ADCY8: variants seen among roughly 807,000 people sequenced by gnomAD.
ADCY8 encodes the protein adenylate cyclase type 8.
Under a neutral mutation model 119.7 loss-of-function variants are expected in ADCY8, and 51 were observed. That is an observed-to-expected ratio of 0.43 (90% CI 0.34 to 0.54). ADCY8 has a LOEUF of 0.54. Ranked by LOEUF, ADCY8 falls within the 20% of genes least tolerant of loss-of-function variation. ADCY8 has a pLI of 0.03. For missense variants in ADCY8, 1,383 were observed against 1,598.8 expected (o/e 0.87, Z 2.30); for synonymous variants, 665 against 651.0 (o/e 1.02, Z -0.33).
intron 2 of ADCY8, among the ~76,000 whole-genome samples, chr8:130,985,104 C>A (rs1395249679): frequency 9.2e-5 from 14 of 151,990 alleles, no homozygotes. Flanking sequence ...ATCAAGTTCC[C>A]CCTAGTAAAA....
intron 5 of ADCY8, among the ~76,000 whole-genome samples, chr8:130,933,487 A>G (rs1820695406): frequency 6.6e-6 from 1 of 152,208 alleles, no homozygotes; most frequent in Non-Finnish European, 1.5e-5. Context: ...GTCTGAGCCA[A>G]TTGCAACCAA....
chr8:130,894,724 G>A (rs1455323750), intron 7 of ADCY8, among the ~76,000 whole-genome samples: 1 of 152,106 alleles, frequency 6.6e-6, no homozygotes, highest in Non-Finnish European at 1.5e-5. Context: ...TAAGTACCGT[G>A]GCTGTTCAGG....
intron 9 of ADCY8, among the ~76,000 whole-genome samples, chr8:130,866,340 C>G (rs930440632): frequency 2.0e-5 from 3 of 152,050 alleles, no homozygotes; most frequent in African/African-American, 7.2e-5. Flanking sequence ...GAACATCTTT[C>G]TTCCACAGCA....
At chr8:131,002,372 G>C (rs759218929) in intron 1 of ADCY8, among the ~76,000 whole-genome samples, 10 of 152,206 alleles carry the variant, frequency 6.6e-5, no homozygotes, top group Non-Finnish European at 1.2e-4. Context: ...TTGAGGAACA[G>C]TTATCGCGAA....
At chr8:130,886,075 A>C (rs924110634) in intron 7 of ADCY8, among the ~76,000 whole-genome samples, 2 of 152,030 alleles carry the variant, frequency 1.3e-5, no homozygotes, top group African/African-American at 4.8e-5. Flanking sequence ...AGCCCACCCC[A>C]TAAGGATTCT....
chr8:130,912,939 A>T (rs1180358026), intron 5 of ADCY8, among the ~76,000 whole-genome samples: 2 of 152,192 alleles, frequency 1.3e-5, no homozygotes, highest in African/African-American at 4.8e-5. Flanking sequence ...GCACTTTTCC[A>T]GTGAGCTTCT....
intron 8 of ADCY8, 23 bp downstream of exon 8, chr8:130,884,541 C>A: frequency 1.2e-6 from 2 of 1,612,062 alleles, no homozygotes; most frequent in Non-Finnish European, 1.7e-6. Context: ...AGAAAAAGAG[C>A]CGCTGTGGAG....
At chr8:130,863,296 T>C (rs932439599) in intron 9 of ADCY8, among the ~76,000 whole-genome samples, 6 of 152,192 alleles carry the variant, frequency 3.9e-5, no homozygotes, top group African/African-American at 1.4e-4. Context: ...CTTAAGTTTT[T>C]TTTTCATTAA....
chr8:130,925,670 T>C (rs1335513705), intron 5 of ADCY8, among the ~76,000 whole-genome samples: 3 of 152,230 alleles, frequency 2.0e-5, no homozygotes, highest in African/African-American at 4.8e-5. Flanking sequence ...GAATTATAAT[T>C]TTAATAAAAT....
chr8:131,040,423 C>T lies in ADCY8; in HGVS notation c.-90G>A. 3 of 1,378,124 alleles carry T rather than the reference C, an allele frequency of 2.2e-6. No individual in the cohort carries two copies. Among genetic ancestry groups the T allele is most frequent in the Non-Finnish European group, 2.8e-6 (3 of 1,067,698 alleles). 85.4% of individuals were successfully genotyped at this position (1,378,124 alleles called of 1,614,324 possible). ...AGACTCAAAGGCGGCCTGGTAGGAG[C>T]TTGGCAAGGATCCTTTTTATCCTAG... On this transcript the variant is annotated 5_prime_UTR_variant, in exon 1 of 18. Transcript: ENST00000286355.
intron 12 of ADCY8, among the ~76,000 whole-genome samples, chr8:130,825,119 G>A (rs1038345009): frequency 4.6e-5 from 7 of 152,184 alleles, no homozygotes; most frequent in African/African-American, 1.4e-4. Context: ...TTCAATACAT[G>A]TGTACTATGT....
intron 2 of ADCY8, among the ~76,000 whole-genome samples, chr8:130,975,373 T>C (rs554521654): frequency 1.3e-5 from 2 of 152,338 alleles, no homozygotes; most frequent in Admixed American, 6.5e-5. Flanking sequence ...CATGCTGACA[T>C]GTGACAGGCT....
intron 8 of ADCY8, among the ~76,000 whole-genome samples, chr8:130,876,881 G>A (rs73717230): frequency 0.059 from 8,903 of 152,162 alleles, 830 homozygotes; most frequent in African/African-American, 0.2. Context: ...AGGTGCTTAG[G>A]AGAAAGACAG....
At chr8:130,791,387 T>G (rs1815422036) in intron 15 of ADCY8, among the ~76,000 whole-genome samples, 4 of 152,134 alleles carry the variant, frequency 2.6e-5, no homozygotes, top group Admixed American at 2.6e-4. Context: ...CAGGGGCAGG[T>G]GCCGGTAAGC....
chr8:130,825,702 AC>A (rs1480327412), intron 12 of ADCY8, among the ~76,000 whole-genome samples: 4 of 152,250 alleles, frequency 2.6e-5, no homozygotes, highest in Non-Finnish European at 4.4e-5. Flanking sequence ...CTGATGAGGC[AC>A]TTGAGGATGG....
In ADCY8 at chr8:130,934,552, G is replaced by A. The variant is rs572306949; in HGVS notation, c.1481+2521C>T. ...GAGATTTGGGTGGGAACACAAATCC[G>A]AACCATATCGCAGTCCCATTGTCCC... On this transcript the variant is annotated intron_variant, in intron 5 of 17. Coordinates refer to ENST00000286355, the MANE Select transcript of ADCY8 (RefSeq NM_001115.3). Among the ~76,000 whole-genome samples the A allele has an allele frequency of 6.6e-5, 10 of 152,268 alleles. No homozygotes were observed. The East Asian group carries it at 7.7e-4, about 12-fold the overall frequency.
At chr8:130,965,775 A>G (rs992129420) in intron 2 of ADCY8, among the ~76,000 whole-genome samples, 3 of 150,796 alleles carry the variant, frequency 2.0e-5, no homozygotes. Flanking sequence ...TTATCATTTT[A>G]TGTTTAAGTT....
At chr8:130,839,118 TACA>T (rs1171241440) in intron 11 of ADCY8, among the ~76,000 whole-genome samples, 1 of 139,570 alleles carries the variant, frequency 7.2e-6, no homozygotes. Flanking sequence ...TAGAGAATCA[TACA>T]ACTACTCATA....
intron 13 of ADCY8, among the ~76,000 whole-genome samples, chr8:130,819,352 A>C (rs547623601): frequency 6.6e-6 from 1 of 152,342 alleles, no homozygotes; most frequent in African/African-American, 2.4e-5. Context: ...GAATACTTAC[A>C]TACCCGTACT....
Sources: allele counts gnomAD v4.1 joint callset (sites outside exome capture counted in the v4.1 genomes callset), GRCh38; gene constraint gnomAD v4.1.1; transcripts MANE v1.5; gene names NCBI Gene and HGNC (gene_info 2026-07-23, HGNC 2026-07-21).